Variants in THSD4 observed in about 807,000 individuals in gnomAD.
The protein encoded by THSD4 is thrombospondin type 1 domain containing 4.
Under a neutral mutation model 119.0 loss-of-function variants are expected in THSD4, and 69 were observed. The ratio of observed to expected loss-of-function variants is 0.58; its 90% confidence interval spans 0.48 to 0.71. The LOEUF is 0.71. THSD4 is among the 30% of genes least tolerant of loss of function. The pLI is 0.00. For synonymous variants in THSD4, 524 were observed against 540.4 expected (o/e 0.97, Z 0.42); for missense variants, 1,393 against 1,391.1 (o/e 1.00, Z -0.02).
chr15:71,299,974 A>ATATAT (rs1285846370), intron 6 of THSD4, among the ~76,000 whole-genome samples: 200 of 36,610 alleles, frequency 5.5e-3, no homozygotes, highest in Middle Eastern at 0.014. Context: ...AAAAAAAAAA[A>ATATAT]AAATATATAT....
chr15:71,657,217 G>A (rs1427804278), intron 7 of THSD4, among the ~76,000 whole-genome samples: 1 of 152,116 alleles, frequency 6.6e-6, no homozygotes, highest in African/African-American at 2.4e-5. Flanking sequence ...GATTCAGCTT[G>A]GGATTTTCCA....
chr15:71,782,007 G>C lies in THSD4; in HGVS notation c.*4633G>C, dbSNP rs1208098941. 1 of 152,298 alleles carries C rather than the reference G, an allele frequency of 6.6e-6. No homozygotes were observed. The highest frequency in any genetic ancestry group is 1.5e-5 in the Non-Finnish European group (1 of 68,086). 9.4% of individuals were successfully genotyped at this position (152,298 alleles called of 1,614,324 possible). ...GCTGAATGCGGCCTCATGTCTCAGAGAAACACTGGCAAGTTGGTCAGAGCC... is the reference window on the plus strand; with the variant it reads ...GCTGAATGCGGCCTCATGTCTCAGACAAACACTGGCAAGTTGGTCAGAGCC... On this transcript the variant is annotated 3_prime_UTR_variant, in exon 18 of 18. Transcript: ENST00000261862.
intron 7 of THSD4, among the ~76,000 whole-genome samples, chr15:71,498,563 C>T (rs753690003): frequency 6.6e-6 from 1 of 152,202 alleles, no homozygotes; most frequent in Non-Finnish European, 1.5e-5. Flanking sequence ...CCTTCCTCCA[C>T]TCCCATGCCC....
At chr15:71,484,938 G>C (rs906441697) in intron 7 of THSD4, among the ~76,000 whole-genome samples, 11 of 152,160 alleles carry the variant, frequency 7.2e-5, no homozygotes, top group Non-Finnish European at 1.3e-4. Context: ...GCAGACATCT[G>C]GTCCAGTCCT....
intron 6 of THSD4, among the ~76,000 whole-genome samples, chr15:71,361,939 A>G (rs1486090879): frequency 6.6e-6 from 1 of 152,252 alleles, no homozygotes; most frequent in Non-Finnish European, 1.5e-5. Flanking sequence ...TCAAATATGC[A>G]TAAAATATAT....
At chr15:71,111,338 T>C (rs759686260), upstream of THSD4, 6 of 1,613,698 alleles carry the variant, frequency 3.7e-6, no homozygotes, top group Non-Finnish European at 5.1e-6. Context: ...GAATTTTCTC[T>C]TGCCCAGTTG....
chr15:71,462,157 T>G (rs541211251), intron 7 of THSD4, among the ~76,000 whole-genome samples: 1 of 152,284 alleles, frequency 6.6e-6, no homozygotes, highest in Non-Finnish European at 1.5e-5. Context: ...TTCACTAAAC[T>G]TAGTTCTGAT....
chr15:71,608,969 C>T (rs2050169597), intron 7 of THSD4, among the ~76,000 whole-genome samples: 1 of 152,132 alleles, frequency 6.6e-6, no homozygotes, highest in African/African-American at 2.4e-5. Flanking sequence ...TCAGTCTCTC[C>T]CTGGGCAGGT....
chr15:71,546,833 A>G (rs371910137), intron 7 of THSD4, among the ~76,000 whole-genome samples: 7 of 152,318 alleles, frequency 4.6e-5, no homozygotes, highest in African/African-American at 1.4e-4. Context: ...CTAAAAGGGA[A>G]CTCAGAAGTC....
chr15:71,172,489 T>C (rs1365454694), intron 3 of THSD4, among the ~76,000 whole-genome samples: 1 of 151,024 alleles, frequency 6.6e-6, no homozygotes, highest in Non-Finnish European at 1.5e-5. Context: ...GACAAACTGA[T>C]GATTAAAAAT....
intron 8 of THSD4, among the ~76,000 whole-genome samples, chr15:71,719,020 TATTTGAGG>T: frequency 6.6e-6 from 1 of 152,218 alleles, no homozygotes; most frequent in Non-Finnish European, 1.5e-5. Context: ...CATACAACAT[TATTTGAGG>T]CTTAAACATA....
intron 6 of THSD4, among the ~76,000 whole-genome samples, chr15:71,365,171 G>GTGTGTGTGTGT: frequency 6.6e-6 from 1 of 150,790 alleles, no homozygotes; most frequent in Admixed American, 6.6e-5. Flanking sequence ...GTGTGTATGA[G>GTGTGTGTGTGT]AGAGAGAAAG....
chr15:71,736,043 C>A (rs2053090889), intron 10 of THSD4, among the ~76,000 whole-genome samples: 1 of 141,246 alleles, frequency 7.1e-6, no homozygotes, highest in Non-Finnish European at 1.5e-5. Context: ...CTCTCCTGCT[C>A]TCTTGCTTTC....
intron 14 of THSD4, among the ~76,000 whole-genome samples, chr15:71,756,087 A>G (rs2053534000): frequency 6.6e-6 from 1 of 152,376 alleles, no homozygotes; most frequent in South Asian, 2.1e-4. Flanking sequence ...CCTTAATGCT[A>G]GAAGTCCATA....
chr15:71,156,308 A>T (rs2040776730), intron 3 of THSD4, among the ~76,000 whole-genome samples: 1 of 149,454 alleles, frequency 6.7e-6, no homozygotes, highest in African/African-American at 2.5e-5. Context: ...CCCAGGCTGG[A>T]GTGCAATGGC....
At chr15:71,659,896 G>A (rs1004284281) in intron 7 of THSD4, among the ~76,000 whole-genome samples, 1 of 152,110 alleles carries the variant, frequency 6.6e-6, no homozygotes, top group African/African-American at 2.4e-5. Context: ...AGCACTCTGT[G>A]GTTTAGCAGG....
At chr15:71,472,262 A>G (rs1412442577) in intron 7 of THSD4, among the ~76,000 whole-genome samples, 1 of 152,182 alleles carries the variant, frequency 6.6e-6, no homozygotes, top group Non-Finnish European at 1.5e-5. Context: ...TAATAACAGT[A>G]TCTACATGAT....
intron 6 of THSD4, among the ~76,000 whole-genome samples, chr15:71,389,348 T>C (rs142200799): frequency 7.2e-5 from 11 of 152,308 alleles, no homozygotes; most frequent in Non-Finnish European, 1.6e-4. Context: ...ATTTGACTAC[T>C]CTAGGTACCT....
At chr15:71,667,299 G>C (rs1195636990) in intron 8 of THSD4, among the ~76,000 whole-genome samples, 1 of 152,112 alleles carries the variant, frequency 6.6e-6, no homozygotes, top group Non-Finnish European at 1.5e-5. Flanking sequence ...TGTATTACTT[G>C]CCTTTTTCTT....
Sources: gnomAD v4.1 joint callset for allele counts (sites outside exome capture counted in the v4.1 genomes callset) on GRCh38, gnomAD v4.1.1 for gene constraint, MANE v1.5 for transcripts, NCBI Gene and HGNC (gene_info 2026-07-23, HGNC 2026-07-21) for gene names.